The following NSD3 variants were observed in gnomAD, a reference collection of about 807,000 sequenced individuals.
NSD3 encodes histone-lysine N-methyltransferase NSD3.
NSD3 carries 24 observed loss-of-function variants against 160.8 expected under a neutral mutation model. That is an observed-to-expected ratio of 0.15 (90% CI 0.11 to 0.21). NSD3 has a LOEUF of 0.21. Among genes scored for constraint, NSD3 ranks in the 10% least tolerant of loss-of-function variants. NSD3 has a pLI of 1.00. For synonymous variants in NSD3, 520 were observed against 600.0 expected, an observed-to-expected ratio of 0.87 and a Z score of 1.95; for missense variants, 1,157 against 1,735.9, an observed-to-expected ratio of 0.67 and a Z score of 5.93.
intron 1 of NSD3, among the ~76,000 whole-genome samples, chr8:38,380,360 C>G (rs1003679523): frequency 6.6e-6 from 1 of 152,162 alleles, no homozygotes; most frequent in Non-Finnish European, 1.5e-5. Flanking sequence ...CCCCTTTCAC[C>G]CGGACACAGC....
At position 38,317,575 on chromosome 8, in the gene NSD3, G is replaced by T. The variant is rs550761489; in HGVS notation, c.1855+1320C>A. ...ACGGCACTAATATTAAAAAAAATAAGAACTTTTAATGATTGTAATGTATAC... is the reference window on the plus strand; with the variant it reads ...ACGGCACTAATATTAAAAAAAATAATAACTTTTAATGATTGTAATGTATAC... On this transcript the variant is annotated intron_variant, in intron 9 of 23. Transcript: ENST00000317025. This position sits in a 1 kb window ranked among gnomAD's most constrained non-coding sequence, Gnocchi z 5.3. 3 of 1,069,738 alleles carry T rather than the reference G, an allele frequency of 2.8e-6. No individual in the cohort carries two copies. The highest frequency in any genetic ancestry group is 3.4e-6 in the Non-Finnish European group (3 of 882,328). The allele number at this position is 1,069,738 out of a possible 1,614,324, so 66.3% of individuals were successfully genotyped here. A position where few individuals can be genotyped will look rare whatever the true frequency, so the allele number is the denominator to read the frequency against.
chr8:38,362,759 A>G (rs1811007189), intron 1 of NSD3, among the ~76,000 whole-genome samples: 1 of 152,236 alleles, frequency 6.6e-6, no homozygotes, highest in African/African-American at 2.4e-5. Context: ...ATATTATGAC[A>G]CGAAGCTCTG....
intron 1 of NSD3, among the ~76,000 whole-genome samples, chr8:38,366,418 C>CTTTTTTTT (rs374656504): frequency 0.16 from 21,205 of 130,296 alleles, 2,027 homozygotes; most frequent in East Asian, 0.23. Flanking sequence ...CTACTTAATT[C>CTTTTTTTT]TTTTTTTTTT....
At chr8:38,372,903 T>G (rs1295892516) in intron 1 of NSD3, among the ~76,000 whole-genome samples, 7 of 146,202 alleles carry the variant, frequency 4.8e-5, no homozygotes, top group African/African-American at 1.8e-4. Flanking sequence ...CTACAAAAAT[T>G]AGCCGGGTGT....
chr8:38,373,499 A>T (rs1811309011), intron 1 of NSD3, among the ~76,000 whole-genome samples: 1 of 152,066 alleles, frequency 6.6e-6, no homozygotes, highest in South Asian at 2.1e-4. Flanking sequence ...CCTATTTCTT[A>T]AAGTTTTTGT....
At chr8:38,374,480 G>A (rs555910388) in intron 1 of NSD3, among the ~76,000 whole-genome samples, 1 of 152,146 alleles carries the variant, frequency 6.6e-6, no homozygotes, top group African/African-American at 2.4e-5. Context: ...TACAGAGCCC[G>A]GCGCAGTGGC....
At chr8:38,310,758 C>T (rs1345782242) in intron 12 of NSD3, among the ~76,000 whole-genome samples, 3 of 151,804 alleles carry the variant, frequency 2.0e-5, no homozygotes, top group Non-Finnish European at 4.4e-5. Flanking sequence ...GCAATCCGCT[C>T]GTCTTGGCTT....
intron 12 of NSD3, among the ~76,000 whole-genome samples, chr8:38,308,377 T>A (rs895180975): frequency 6.6e-6 from 1 of 152,154 alleles, no homozygotes; most frequent in Non-Finnish European, 1.5e-5. Context: ...GCCAATAAAG[T>A]ACATTTTACC....
intron 1 of NSD3, among the ~76,000 whole-genome samples, chr8:38,370,054 A>C (rs1045963520): frequency 2.6e-5 from 4 of 152,166 alleles, no homozygotes; most frequent in African/African-American, 9.7e-5. Context: ...TCGGCCTCCC[A>C]AAGTGCTGGG....
At chr8:38,322,083 T>C (rs978483604) in intron 7 of NSD3, among the ~76,000 whole-genome samples, 2 of 152,190 alleles carry the variant, frequency 1.3e-5, no homozygotes, top group South Asian at 4.1e-4. Context: ...ACCTCTGGCT[T>C]GCCATAGGAA....
chr8:38,322,193 A>C lies in NSD3; in HGVS notation c.1709-1021T>G, dbSNP rs1809807708. On this transcript the variant is annotated intron_variant, in intron 7 of 23. Coordinates refer to ENST00000317025, the MANE Select transcript of NSD3 (RefSeq NM_023034.2). The stretch of plus-strand genomic sequence containing the variant: ...GTTTCATTGCTCTTGGCTATGTATA[A>C]ATGACTTCCCTCACTTTAGTTCAAA... Among the ~76,000 whole-genome samples the C allele has an allele frequency of 2.0e-5, 3 of 152,330 alleles. No homozygotes were observed. In the South Asian group the frequency reaches 6.2e-4, roughly 32 times the overall value.
In NSD3 at chr8:38,272,360, A is replaced by C. The variant is rs1045907227; in HGVS notation, c.*3281T>G. On this transcript the variant is annotated 3_prime_UTR_variant, in exon 24 of 24. Coordinates refer to ENST00000317025, the MANE Select transcript of NSD3 (RefSeq NM_023034.2). ...AACTTGTTAAAACAAAAATGAAAAT[A>C]AAACCCACCTCACTCCTGTATCTCT... 1.3e-5 allele frequency: 2 copies of C among 152,240 alleles called. No individual in the cohort carries two copies. The highest frequency in any genetic ancestry group is 4.8e-5 in the African/African-American group (2 of 41,462). 9.4% of individuals were successfully genotyped at this position (152,240 alleles called of 1,614,324 possible). A position where few individuals can be genotyped will look rare whatever the true frequency, so the allele number is the denominator to read the frequency against.
rs1563345965 is a variant in NSD3 at position 38,295,896 on chromosome 8, T to A, written c.2815A>T (p.Ser939Cys). The A allele has an allele frequency of 6.2e-7, 1 of 1,613,912 alleles. No individual in the cohort carries two copies. Among genetic ancestry groups the A allele is most frequent in the Non-Finnish European group, 8.5e-7 (1 of 1,179,976 alleles). Residue 939 changes from serine to cysteine, a missense_variant, in exon 16 of 24, where the codon AGC (serine) becomes TGC (cysteine). Physicochemically the swap from Ser to Cys is moderately radical, Grantham distance 112. Coordinates refer to ENST00000317025, the MANE Select transcript of NSD3 (RefSeq NM_023034.2). ...CPASFHPECL[S>C]IEMPEGCWNC... ...CAGCAGCCTTCTGGCATTTCTATGC[T>A]TAGGCATTCCGGGTGGAAGGAAGCT... is the stretch of plus-strand genomic sequence containing the variant.
chr8:38,319,850 A>G lies in NSD3; in HGVS notation c.1810-910T>C, dbSNP rs1333581991. The G allele has an allele frequency of 6.6e-6, 1 of 152,178 alleles. No homozygotes were observed. Among genetic ancestry groups the G allele is most frequent in the Non-Finnish European group, 1.5e-5 (1 of 68,038 alleles). The allele number at this position is 152,178 out of a possible 1,614,324, so 9.4% of individuals were successfully genotyped here. A position where few individuals can be genotyped will look rare whatever the true frequency, so the allele number is the denominator to read the frequency against. Reference sequence around the variant, plus strand: ...GATACAATTAGTAATACAAATATAAAATCTTCTAAACAATCACTGGTATTG... The same window carrying G: ...GATACAATTAGTAATACAAATATAAGATCTTCTAAACAATCACTGGTATTG... On this transcript the variant is annotated intron_variant, in intron 8 of 23. Transcript: ENST00000317025. The surrounding 1 kb of genome is among the most constrained non-coding windows in gnomAD (Gnocchi z 4.1).
At chr8:38,286,435 C>A (rs972608079) in intron 19 of NSD3, among the ~76,000 whole-genome samples, 1 of 152,136 alleles carries the variant, frequency 6.6e-6, no homozygotes. Flanking sequence ...AGAGGAGAAC[C>A]CAGCCCCAGT....
rs1220597318 is a variant in NSD3, at chr8:38,274,997, C to T, written c.*644G>A. On this transcript the variant is annotated 3_prime_UTR_variant, in exon 24 of 24. Transcript: ENST00000317025. The stretch of plus-strand genomic sequence containing the variant: ...AGTACAAAGCCCACCTTGTTTAAGA[C>T]CACAGAGGTAAAATCCACCGAGGCA... The T allele has an allele frequency of 3.2e-5, 7 of 218,458 alleles. No homozygotes were observed. The highest frequency in any genetic ancestry group is 5.5e-5 in the Non-Finnish European group (6 of 108,892). The allele number at this position is 218,458 out of a possible 1,614,324, so 13.5% of individuals were successfully genotyped here.
chr8:38,340,889 G>A (rs556797441), intron 2 of NSD3, among the ~76,000 whole-genome samples: 6 of 152,246 alleles, frequency 3.9e-5, no homozygotes, highest in East Asian at 1.9e-4. Flanking sequence ...GCTATGGCTC[G>A]GCATGGTGTG....
chr8:38,363,519 G>A (rs1297859702), intron 1 of NSD3, among the ~76,000 whole-genome samples: 1 of 151,918 alleles, frequency 6.6e-6, no homozygotes, highest in Non-Finnish European at 1.5e-5. Context: ...GTGCGTGCCT[G>A]TAGTCCCAGC....
intron 1 of NSD3, among the ~76,000 whole-genome samples, chr8:38,365,620 C>T (rs1157529931): frequency 2.6e-5 from 4 of 152,092 alleles, no homozygotes; most frequent in African/African-American, 9.7e-5. Context: ...TTACAGGTGC[C>T]CGCCATCATG....
Sources: allele counts gnomAD v4.1 joint callset (sites outside exome capture counted in the v4.1 genomes callset), GRCh38; gene constraint gnomAD v4.1.1; non-coding constraint Gnocchi (gnomAD v3.1); transcripts MANE v1.5; gene names NCBI Gene and HGNC (gene_info 2026-07-23, HGNC 2026-07-21).